The following TANK variants were observed in gnomAD, a reference collection of about 807,000 sequenced individuals.
TANK encodes TRAF family member associated NFKB activator.
TANK carries 15 observed loss-of-function variants against 43.6 expected under a neutral mutation model. That is an observed-to-expected ratio of 0.34 (90% CI 0.23 to 0.53). The LOEUF is 0.53. Ranked by LOEUF, TANK falls within the 20% of genes least tolerant of loss-of-function variation. TANK has a pLI of 0.94. For missense variants in TANK, 417 were observed against 498.6 expected, an observed-to-expected ratio of 0.84 and a Z score of 1.56; for synonymous variants, 162 against 178.2, an observed-to-expected ratio of 0.91 and a Z score of 0.73.
chr2:161,160,697 G>A (rs947638683), intron 1 of TANK: 3 of 514,170 alleles, frequency 5.8e-6, no homozygotes, highest in African/African-American at 5.7e-5. Context: ...GACTCCTTGT[G>A]GGTTGGTTTC....
At chr2:161,198,559 A>G (rs1686260504) in intron 2 of TANK, among the ~76,000 whole-genome samples, 1 of 152,198 alleles carries the variant, frequency 6.6e-6, no homozygotes, top group Non-Finnish European at 1.5e-5. Flanking sequence ...GGCTGTGGAT[A>G]TTATTTAGAT....
intron 4 of TANK, chr2:161,207,462 C>T: frequency 2.0e-6 from 2 of 983,378 alleles, no homozygotes; most frequent in Non-Finnish European, 2.4e-6. Flanking sequence ...TCTTGCAGTT[C>T]AGCTTTCTCT....
intron 1 of TANK, chr2:161,162,948 T>A (rs967231189): frequency 2.6e-5 from 4 of 152,212 alleles, no homozygotes; most frequent in African/African-American, 9.6e-5. Flanking sequence ...ATCTTTGACC[T>A]AACAGGATAG....
At chr2:161,170,492 A>G (rs1195562464) in intron 1 of TANK, among the ~76,000 whole-genome samples, 1 of 152,196 alleles carries the variant, frequency 6.6e-6, no homozygotes, top group African/African-American at 2.4e-5. Context: ...CACTATGGGA[A>G]AAAAGGCAAC....
At chr2:161,188,728 C>G (rs1318774190) in intron 2 of TANK, among the ~76,000 whole-genome samples, 1 of 152,164 alleles carries the variant, frequency 6.6e-6, no homozygotes, top group Non-Finnish European at 1.5e-5. Context: ...AAACTACAGA[C>G]TAGTATCACT....
intron 2 of TANK, among the ~76,000 whole-genome samples, chr2:161,194,146 C>A (rs3769976): frequency 0.11 from 16,698 of 152,064 alleles, 1,635 homozygotes; most frequent in African/African-American, 0.26. Context: ...ACATCTGAAA[C>A]TGTTAAAACT....
intron 6 of TANK, among the ~76,000 whole-genome samples, chr2:161,228,530 G>C (rs1054514470): frequency 4.6e-5 from 7 of 151,750 alleles, no homozygotes; most frequent in African/African-American, 1.7e-4. Context: ...AGCGAAGCTC[G>C]GTCTCAAAAA....
intron 2 of TANK, among the ~76,000 whole-genome samples, chr2:161,197,027 A>G (rs1686182782): frequency 6.6e-6 from 1 of 152,244 alleles, no homozygotes; most frequent in Non-Finnish European, 1.5e-5. Context: ...TGTGATACGT[A>G]TACACACATG....
intron 4 of TANK, among the ~76,000 whole-genome samples, chr2:161,215,152 T>C (rs1687062952): frequency 1.3e-5 from 2 of 152,222 alleles, no homozygotes; most frequent in South Asian, 2.1e-4. Context: ...AGTGGATCCC[T>C]TGAAAGGCTC....
At chr2:161,200,441 TTCCA>T in intron 2 of TANK, 1 of 969,662 alleles carries the variant, frequency 1.0e-6, no homozygotes. Flanking sequence ...TTCATTTACT[TTCCA>T]AATAGCAAAT....
At chr2:161,161,149 G>A in intron 1 of TANK, 1 of 1,407,156 alleles carries the variant, frequency 7.1e-7, no homozygotes, top group Non-Finnish European at 9.4e-7. Flanking sequence ...ACGAGTTACA[G>A]GCAAAAAAGC....
At chr2:161,178,875 A>G (rs1685293599) in intron 1 of TANK, among the ~76,000 whole-genome samples, 1 of 152,176 alleles carries the variant, frequency 6.6e-6, no homozygotes, top group South Asian at 2.1e-4. Flanking sequence ...ACAGTTGGAC[A>G]GGAAGAATCA....
intron 2 of TANK, among the ~76,000 whole-genome samples, chr2:161,193,431 T>C (rs925538762): frequency 6.6e-6 from 1 of 152,194 alleles, no homozygotes; most frequent in Non-Finnish European, 1.5e-5. Context: ...AAGTTGACTT[T>C]TGTCTGTGCT....
intron 1 of TANK, among the ~76,000 whole-genome samples, chr2:161,151,837 A>G (rs1376784156): frequency 6.6e-6 from 1 of 151,926 alleles, no homozygotes; most frequent in African/African-American, 2.4e-5. Flanking sequence ...TATGTTCTAT[A>G]CCATTTTTCT....
At chr2:161,203,797 GT>G (rs1686524738) in intron 3 of TANK, among the ~76,000 whole-genome samples, 1 of 151,924 alleles carries the variant, frequency 6.6e-6, no homozygotes. Flanking sequence ...ATACTATATG[GT>G]AGAACTCTAA....
chr2:161,222,365 A>G (rs749478703), intron 4 of TANK, among the ~76,000 whole-genome samples: 3 of 151,978 alleles, frequency 2.0e-5, no homozygotes, highest in Non-Finnish European at 2.9e-5. Context: ...ATAATCACTT[A>G]TTTTATGATT....
chr2:161,209,409 G>A (rs1361672520), intron 4 of TANK, among the ~76,000 whole-genome samples: 1 of 152,048 alleles, frequency 6.6e-6, no homozygotes, highest in African/African-American at 2.4e-5. Flanking sequence ...AACAAGTTTT[G>A]TATTTGTGTA....
rs549121475 is a variant in TANK at position 161,228,605 on chromosome 2, T to G, written c.521-2366T>G. Reference sequence around the variant, plus strand: ...TGTTGTTACATTGTAGCACATTTTGTTTTTTTTGTAAATTTAGTGTAACCT... The same window carrying G: ...TGTTGTTACATTGTAGCACATTTTGGTTTTTTTGTAAATTTAGTGTAACCT... On this transcript the variant is annotated intron_variant, in intron 6 of 7. Coordinates refer to ENST00000392749, the MANE Select transcript of TANK (RefSeq NM_001199135.3). 9.3e-5 allele frequency among the ~76,000 whole-genome samples: 14 copies of G among 150,470 alleles called. No individual in the cohort carries two copies. In the East Asian group the frequency reaches 9.7e-4, roughly 10 times the overall value.
chr2:161,156,905 GAAAC>G (rs1259389931), upstream of TANK, among the ~76,000 whole-genome samples: 1 of 152,166 alleles, frequency 6.6e-6, no homozygotes, highest in Non-Finnish European at 1.5e-5. Context: ...AACCCCCAGA[GAAAC>G]AAACACCCAG....
Sources: gnomAD v4.1 joint callset for allele counts (sites outside exome capture counted in the v4.1 genomes callset) on GRCh38, gnomAD v4.1.1 for gene constraint, MANE v1.5 for transcripts, NCBI Gene and HGNC (gene_info 2026-07-23, HGNC 2026-07-21) for gene names.